KIAA0319L: variants seen among roughly 807,000 people sequenced by gnomAD.
KIAA0319L encodes the protein dyslexia-associated protein KIAA0319-like protein.
In KIAA0319L, 55 loss-of-function variants were observed where a neutral mutation model predicts 120.1. That is an observed-to-expected ratio of 0.46 (90% CI 0.37 to 0.57). The LOEUF (loss-of-function observed/expected upper bound fraction) is 0.57. Among genes scored for constraint, KIAA0319L ranks in the 20% least tolerant of loss-of-function variants. KIAA0319L has a pLI of 0.00. For missense variants in KIAA0319L, 1,049 were observed against 1,255.3 expected, an observed-to-expected ratio of 0.84 and a Z score of 2.48; for synonymous variants, 398 against 471.9, an observed-to-expected ratio of 0.84 and a Z score of 2.03.
At chr1:35,444,674 G>A (rs1368285714) in intron 16 of KIAA0319L, among the ~76,000 whole-genome samples, 1 of 152,218 alleles carries the variant, frequency 6.6e-6, no homozygotes, top group Non-Finnish European at 1.5e-5. Context: ...ACTGGAGGAT[G>A]AGACAAATGG....
intron 3 of KIAA0319L, among the ~76,000 whole-genome samples, chr1:35,497,540 G>C (rs983087989): frequency 1.3e-5 from 2 of 152,014 alleles, no homozygotes; most frequent in African/African-American, 4.8e-5. Context: ...TTATGGTGAT[G>C]GTTTTATAGA....
rs138393267 is a variant in KIAA0319L, at chr1:35,444,940, G to A, written c.2514-637C>T. On this transcript the variant is annotated intron_variant, in intron 16 of 20. Coordinates refer to ENST00000325722, the MANE Select transcript of KIAA0319L (RefSeq NM_024874.5). Reference sequence around the variant, plus strand: ...TTCCTGTCCAAGATAGGCCACATGTGAACTCACATCTGGGTAGTACCAAGT... The same window carrying A: ...TTCCTGTCCAAGATAGGCCACATGTAAACTCACATCTGGGTAGTACCAAGT... 9.8e-4 allele frequency among the ~76,000 whole-genome samples: 150 copies of A among 152,318 alleles called. 4 individuals are homozygous for A. In the East Asian group the frequency reaches 0.027, roughly 28 times the overall value.
At chr1:35,524,329 G>A (rs1646036976) in intron 2 of KIAA0319L, among the ~76,000 whole-genome samples, 1 of 152,166 alleles carries the variant, frequency 6.6e-6, no homozygotes, top group South Asian at 2.1e-4. Flanking sequence ...CTTCTTTTGT[G>A]TCCATGGTTC....
chr1:35,456,341 C>T (rs1314108396), intron 9 of KIAA0319L, 100 bp from the exon 10 acceptor site: 1 of 758,466 alleles, frequency 1.3e-6, no homozygotes, highest in Non-Finnish European at 2.1e-6. Flanking sequence ...ACCAATGTGG[C>T]AAGGTTACCT....
At chr1:35,547,105 T>C (rs1335343240) in intron 2 of KIAA0319L, among the ~76,000 whole-genome samples, 5 of 145,424 alleles carry the variant, frequency 3.4e-5, no homozygotes, top group African/African-American at 9.9e-5. Flanking sequence ...ATTACATATA[T>C]TATATATATG....
chr1:35,519,748 G>C (rs1325450210), intron 2 of KIAA0319L, among the ~76,000 whole-genome samples: 1 of 152,102 alleles, frequency 6.6e-6, no homozygotes, highest in Non-Finnish European at 1.5e-5. Flanking sequence ...TCTTCCCACA[G>C]GAAACTAAAA....
At chr1:35,557,102 G>T (rs1288016327) in intron 1 of KIAA0319L, 105 bp downstream of exon 1, 1 of 156,062 alleles carries the variant, frequency 6.4e-6, no homozygotes, top group African/African-American at 2.4e-5. Context: ...GCCACCTCCG[G>T]ACCCAACATC....
intron 7 of KIAA0319L, among the ~76,000 whole-genome samples, chr1:35,464,237 G>C (rs186607447): frequency 1.3e-5 from 2 of 152,280 alleles, no homozygotes; most frequent in African/African-American, 4.8e-5. Context: ...ATGTGGGAAA[G>C]TTTGGAACTT....
chr1:35,484,815 T>A (rs1388198996), intron 3 of KIAA0319L, among the ~76,000 whole-genome samples: 4 of 139,660 alleles, frequency 2.9e-5, no homozygotes, highest in African/African-American at 7.9e-5. Flanking sequence ...TATTTTTTTT[T>A]TTATTATACT....
At chr1:35,468,960 G>C (rs1643447190) in intron 6 of KIAA0319L, among the ~76,000 whole-genome samples, 1 of 152,208 alleles carries the variant, frequency 6.6e-6, no homozygotes, top group African/African-American at 2.4e-5. Context: ...TTGTTACGAA[G>C]ATTAAAAGAA....
chr1:35,459,576 G>A (rs148862034), intron 9 of KIAA0319L, among the ~76,000 whole-genome samples: 4,081 of 150,474 alleles, frequency 0.027, 216 homozygotes, highest in East Asian at 0.24. Flanking sequence ...CAGCCTGGGC[G>A]ACAGAGCAAG....
chr1:35,447,648 T>C (rs982250726), intron 16 of KIAA0319L, among the ~76,000 whole-genome samples: 4 of 151,176 alleles, frequency 2.6e-5, no homozygotes, highest in African/African-American at 9.7e-5. Flanking sequence ...CAGAGCTCAC[T>C]GCAGCCTCAA....
intron 10 of KIAA0319L, among the ~76,000 whole-genome samples, chr1:35,455,551 C>T (rs1342078837): frequency 6.7e-6 from 1 of 148,736 alleles, no homozygotes; most frequent in Non-Finnish European, 1.5e-5. Flanking sequence ...GCCTTTTCCT[C>T]TAATACTAAA....
rs545010429 is a variant in KIAA0319L, at chr1:35,449,788, G to A, written c.2353+79C>T. 368 of 1,508,904 alleles carry A rather than the reference G, an allele frequency of 2.4e-4. No homozygotes were observed. In the African/African-American group the frequency reaches 4.1e-3, roughly 17 times the overall value. The allele number at this position is 1,508,904 out of a possible 1,614,324, so 93.5% of individuals were successfully genotyped here. ...ATGCCATCTGGCTCTGTCCATGCTC[G>A]GGGAAGGGGATCTCAGGATAGAGGC... On this transcript the variant is annotated intron_variant, in intron 15 of 20. Coordinates refer to ENST00000325722, the MANE Select transcript of KIAA0319L (RefSeq NM_024874.5).
At chr1:35,504,950 A>G (rs1645155204) in intron 3 of KIAA0319L, among the ~76,000 whole-genome samples, 1 of 152,186 alleles carries the variant, frequency 6.6e-6, no homozygotes, top group African/African-American at 2.4e-5. Flanking sequence ...TAGGGCACCT[A>G]ACACACTTTG....
At chr1:35,494,356 G>A (rs1644715506) in intron 3 of KIAA0319L, among the ~76,000 whole-genome samples, 1 of 152,064 alleles carries the variant, frequency 6.6e-6, no homozygotes, top group African/African-American at 2.4e-5. Flanking sequence ...GGCTGAGGCA[G>A]GAGAATCACT....
chr1:35,450,602 G>C (rs1315652689), intron 13 of KIAA0319L, 93 bp from the exon 14 acceptor site: 6 of 1,257,354 alleles, frequency 4.8e-6, no homozygotes, highest in South Asian at 1.4e-5. Flanking sequence ...AACATCAAGA[G>C]TACCTTAACT....
rs1004702915 is a variant in KIAA0319L at position 35,434,989 on chromosome 1, G to A, written c.3055C>T (p.Arg1019Ter). The A allele has an allele frequency of 1.9e-6, 3 of 1,614,156 alleles. No individual in the cohort carries two copies. Among genetic ancestry groups the A allele is most frequent in the Admixed American group, 1.7e-5 (1 of 60,024 alleles). The stretch of plus-strand genomic sequence containing the variant: ...CCATGCAGGAGTTTGCCCTTCTCTC[G>A]GTCTGGCCATGTAAAGATGGCATCA... ...SDDAIFTWPD[R>*]EKGKLLHGQN... Residue 1019 changes from arginine (R) to a stop codon, truncating the protein, a stop_gained, in exon 21 of 21, where the codon CGA (arginine) becomes TGA (stop). Coordinates refer to ENST00000325722, the MANE Select transcript of KIAA0319L (RefSeq NM_024874.5). LOFTEE classifies it high-confidence loss of function.
chr1:35,547,026 AT>A (rs1448002273), intron 2 of KIAA0319L, among the ~76,000 whole-genome samples: 2 of 146,976 alleles, frequency 1.4e-5, no homozygotes, highest in Non-Finnish European at 3.0e-5. Context: ...AAATAATGGA[AT>A]TGCTGGATCA....
Sources: allele counts gnomAD v4.1 joint callset (sites outside exome capture counted in the v4.1 genomes callset), GRCh38; gene constraint gnomAD v4.1.1; transcripts MANE v1.5; gene names NCBI Gene and HGNC (gene_info 2026-07-23, HGNC 2026-07-21).